The following SSH2 variants were observed in gnomAD, a reference collection of about 807,000 sequenced individuals.
The protein encoded by SSH2 is protein phosphatase Slingshot homolog 2.
SSH2 carries 37 observed loss-of-function variants against 135.2 expected under a neutral mutation model. The ratio of observed to expected loss-of-function variants is 0.27; its 90% CI spans 0.21 to 0.36. The LOEUF (loss-of-function observed/expected upper bound fraction) is 0.36. Among genes scored for constraint, SSH2 ranks in the 10% least tolerant of loss-of-function variants. The pLI, the probability that SSH2 is intolerant of heterozygous loss-of-function variation, is 1.00. For synonymous variants in SSH2, 628 were observed against 646.2 expected, an observed-to-expected ratio of 0.97 and a Z score of 0.43; for missense variants, 1,408 against 1,765.3, an observed-to-expected ratio of 0.80 and a Z score of 3.63.
intron 9 of SSH2, among the ~76,000 whole-genome samples, chr17:29,670,753 G>T (rs955944559): frequency 2.0e-5 from 3 of 152,064 alleles, no homozygotes; most frequent in African/African-American, 7.2e-5. Context: ...CAGCCTGGGC[G>T]ACAGAGTGAG....
chr17:29,712,541 C>T (rs1188293441), intron 3 of SSH2, among the ~76,000 whole-genome samples: 3 of 152,340 alleles, frequency 2.0e-5, no homozygotes, highest in South Asian at 2.1e-4. Context: ...CGGTGGCTCA[C>T]GCCTGTAATC....
In SSH2 at chr17:29,630,694, G is replaced by T; in HGVS notation, c.*147C>A. On this transcript the variant is annotated 3_prime_UTR_variant, in exon 16 of 16. Transcript: ENST00000540801. ...TTACATATACACACACATACACACT[G>T]AAAAACACCCAAACCCTGCATGCAC... The T allele has an allele frequency of 1.3e-6, 1 of 784,624 alleles. No homozygotes were observed. The highest frequency in any genetic ancestry group is 2.0e-6 in the Non-Finnish European group (1 of 499,832). The allele number at this position is 784,624 out of a possible 1,614,324, so 48.6% of individuals were successfully genotyped here. A position where few individuals can be genotyped will look rare whatever the true frequency, so the allele number is the denominator to read the frequency against.
intron 2 of SSH2, among the ~76,000 whole-genome samples, chr17:29,825,006 A>G (rs2042719496): frequency 6.6e-6 from 1 of 152,174 alleles, no homozygotes; most frequent in Non-Finnish European, 1.5e-5. Context: ...CCAACATAGA[A>G]AAAAGCAGAG....
chr17:29,728,358 C>A (rs534085637), intron 3 of SSH2, among the ~76,000 whole-genome samples: 35 of 152,076 alleles, frequency 2.3e-4, no homozygotes, highest in Admixed American at 9.8e-4. Flanking sequence ...AAGTGAACAA[C>A]CTCTATAATA....
At chr17:29,709,052 A>G (rs548850457) in intron 3 of SSH2, among the ~76,000 whole-genome samples, 16 of 144,650 alleles carry the variant, frequency 1.1e-4, no homozygotes, top group Non-Finnish European at 1.7e-4. Context: ...AGAGAGAGAG[A>G]GCTAATAATA....
At chr17:29,770,269 C>T (rs886804157) in intron 3 of SSH2, among the ~76,000 whole-genome samples, 6 of 151,640 alleles carry the variant, frequency 4.0e-5, no homozygotes, top group South Asian at 2.1e-4. Context: ...CCACCACCCC[C>T]GGCTAATTTT....
intron 1 of SSH2, among the ~76,000 whole-genome samples, chr17:29,854,667 G>A (rs2065629635): frequency 6.6e-6 from 1 of 151,694 alleles, no homozygotes; most frequent in Non-Finnish European, 1.5e-5. Flanking sequence ...CCCACAAGAG[G>A]CCGGGCACGG....
In SSH2 at chr17:29,913,346, A is replaced by ATT. The variant is rs2066806419; in HGVS notation, c.63+16591_63+16592insAA. The stretch of plus-strand genomic sequence containing the variant: ...AAAAAAAAAAAAAAAAAAAAAAAAA[A>ATT]AATATATATATATATATATATATAT... On this transcript the variant is annotated intron_variant, in intron 1 of 15. Coordinates refer to ENST00000540801, the MANE Select transcript of SSH2 (RefSeq NM_001282129.2). 3.7e-3 allele frequency among the ~76,000 whole-genome samples: 164 copies of ATT among 44,518 alleles called. 11 individuals carry two copies. Among genetic ancestry groups the ATT allele is most frequent in the Non-Finnish European group, 6.5e-3 (141 of 21,820 alleles). 29.2% of individuals were successfully genotyped at this position (44,518 alleles called of 152,430 possible).
chr17:29,808,321 G>C (rs966161657), intron 2 of SSH2, among the ~76,000 whole-genome samples: 2 of 152,190 alleles, frequency 1.3e-5, no homozygotes, highest in Non-Finnish European at 2.9e-5. Context: ...TAGAGACGGG[G>C]TTTCGCCATG....
At chr17:29,666,762 TA>T in intron 11 of SSH2, 104 bp downstream of exon 11, 3 of 1,101,392 alleles carry the variant, frequency 2.7e-6, no homozygotes, top group African/African-American at 1.6e-5. Context: ...GTCTTTAAAG[TA>T]AGTTACATTT....
At chr17:29,683,235 G>A (rs1322112664) in intron 6 of SSH2, among the ~76,000 whole-genome samples, 3 of 152,116 alleles carry the variant, frequency 2.0e-5, no homozygotes, top group South Asian at 2.1e-4. Context: ...TATCCACAGC[G>A]TAAAGATCTG....
chr17:29,730,432 C>T (rs1378136534), intron 3 of SSH2, among the ~76,000 whole-genome samples: 1 of 147,462 alleles, frequency 6.8e-6, no homozygotes, highest in Non-Finnish European at 1.5e-5. Context: ...TGTGATTTGA[C>T]TTTTTCTTTT....
At chr17:29,761,459 C>G (rs1448915803) in intron 3 of SSH2, 36 of 995,302 alleles carry the variant, frequency 3.6e-5, no homozygotes, top group East Asian at 2.3e-4. Flanking sequence ...AGTTCGCCCC[C>G]ACCCGCGTCC....
At chr17:29,795,944 T>C (rs1354280328) in intron 2 of SSH2, among the ~76,000 whole-genome samples, 2 of 152,214 alleles carry the variant, frequency 1.3e-5, no homozygotes, top group Admixed American at 1.3e-4. Context: ...GGTTTGGCCA[T>C]ACTGGCCAGG....
intron 1 of SSH2, among the ~76,000 whole-genome samples, chr17:29,878,154 A>G (rs758638958): frequency 3.3e-5 from 5 of 152,136 alleles, no homozygotes; most frequent in African/African-American, 4.8e-5. Context: ...GAGGCCGGGC[A>G]TGGTGGCTCA....
intron 3 of SSH2, among the ~76,000 whole-genome samples, chr17:29,721,681 C>T (rs980293666): frequency 1.3e-5 from 2 of 152,100 alleles, no homozygotes; most frequent in African/African-American, 4.8e-5. Flanking sequence ...TATTCAATAA[C>T]AAACTTTCTA....
At position 29,684,633 on chromosome 17, in the gene SSH2, C is replaced by T; in HGVS notation, c.409G>A (p.Val137Ile). The T allele has an allele frequency of 1.2e-6, 2 of 1,613,520 alleles. No homozygotes were observed. The highest frequency in any genetic ancestry group is 1.7e-6 in the Non-Finnish European group (2 of 1,179,566). ...YQNRTRYMVV[V>I]STNGRQDTEE... Reference sequence around the variant, plus strand: ...GTGTCTTGTCTACCATTAGTTGAAACCACTACCATATAGCGTGTTCGATTC... The same window carrying T: ...GTGTCTTGTCTACCATTAGTTGAAATCACTACCATATAGCGTGTTCGATTC... Residue 137 changes from valine (V) to isoleucine (I), a missense_variant, in exon 6 of 16, where the codon GTT (valine) becomes ATT (isoleucine). Physicochemically the swap from Val to Ile is conservative, Grantham distance 29 (BLOSUM62 3). Coordinates refer to ENST00000540801, the MANE Select transcript of SSH2 (RefSeq NM_001282129.2).
At chr17:29,925,123 A>C (rs1461778918) in intron 1 of SSH2, 1 of 155,846 alleles carries the variant, frequency 6.4e-6, no homozygotes, top group East Asian at 1.8e-4. Context: ...GTCCTGCATA[A>C]TTTTTGGGGC....
At chr17:29,802,838 A>G (rs997975517) in intron 2 of SSH2, among the ~76,000 whole-genome samples, 4 of 152,098 alleles carry the variant, frequency 2.6e-5, no homozygotes, top group African/African-American at 4.8e-5. Flanking sequence ...AAATTCCAAG[A>G]TAACAGTTCT....
Sources: allele counts gnomAD v4.1 joint callset (sites outside exome capture counted in the v4.1 genomes callset), GRCh38; gene constraint gnomAD v4.1.1; transcripts MANE v1.5; gene names NCBI Gene and HGNC (gene_info 2026-07-23, HGNC 2026-07-21).